The following RPRD1A variants were observed in gnomAD, a reference collection of about 807,000 sequenced individuals.
RPRD1A encodes regulation of nuclear pre-mRNA domain-containing protein 1A.
In RPRD1A, 9 loss-of-function variants were observed where a neutral mutation model predicts 37.8. That is an observed-to-expected ratio of 0.24 (90% CI 0.14 to 0.42). The LOEUF (loss-of-function observed/expected upper bound fraction) is 0.42, where lower values mean the gene tolerates loss of function less well. RPRD1A is among the 10% of genes least tolerant of loss of function. RPRD1A has a pLI of 1.00. For missense variants in RPRD1A, 255 were observed against 371.0 expected (o/e 0.69, Z 2.57); for synonymous variants, 138 against 139.7 (o/e 0.99, Z 0.08).
chr18:35,999,437 C>G (rs1480537010), intron 6 of RPRD1A, among the ~76,000 whole-genome samples: 1 of 152,176 alleles, frequency 6.6e-6, no homozygotes, highest in Non-Finnish European at 1.5e-5. Context: ...GAGATGATAT[C>G]AGAATCACCT....
chr18:36,040,953 A>G, intron 1 of RPRD1A: 2 of 718,720 alleles, frequency 2.8e-6, no homozygotes, highest in Non-Finnish European at 4.3e-6. Context: ...AGAATGAACT[A>G]CAAACACTGC....
At chr18:36,035,038 G>C (rs1197946901) in intron 1 of RPRD1A, among the ~76,000 whole-genome samples, 2 of 152,174 alleles carry the variant, frequency 1.3e-5, no homozygotes, top group Admixed American at 1.3e-4. Context: ...AATAAGAAGA[G>C]ATGGCTATAA....
chr18:36,007,636 G>A (rs1343031108), intron 6 of RPRD1A, among the ~76,000 whole-genome samples: 1 of 151,970 alleles, frequency 6.6e-6, no homozygotes, highest in African/African-American at 2.4e-5. Flanking sequence ...TTTCCAGATC[G>A]ATCTACTAAA....
intron 1 of RPRD1A, among the ~76,000 whole-genome samples, chr18:36,059,973 G>T (rs530002898): frequency 6.6e-6 from 1 of 152,184 alleles, no homozygotes; most frequent in East Asian, 1.9e-4. Context: ...TTAAATATAA[G>T]AACTTAGAAG....
intron 6 of RPRD1A, among the ~76,000 whole-genome samples, chr18:36,001,743 C>T (rs929248534): frequency 6.6e-6 from 1 of 152,210 alleles, no homozygotes; most frequent in African/African-American, 2.4e-5. Flanking sequence ...TGAACACATA[C>T]TACCATCTTC....
intron 1 of RPRD1A, chr18:36,040,719 C>T (rs1912520788): frequency 1.4e-6 from 1 of 718,516 alleles, no homozygotes; most frequent in Non-Finnish European, 2.2e-6. Flanking sequence ...GCAGTACCTC[C>T]TTACCCACAT....
intron 4 of RPRD1A, among the ~76,000 whole-genome samples, chr18:36,029,588 C>T (rs1373311948): frequency 8.0e-6 from 1 of 124,460 alleles, no homozygotes; most frequent in Non-Finnish European, 1.7e-5. Context: ...ATGTTTGAAA[C>T]ATAGAAGGAG....
At position 36,043,203 on chromosome 18, in the gene RPRD1A, G is replaced by GGT. The variant is rs1303594543; in HGVS notation, c.152-9367_152-9366insAC. On this transcript the variant is annotated intron_variant, in intron 1 of 6. Coordinates refer to ENST00000399022, the MANE Select transcript of RPRD1A (RefSeq NM_018170.5). The stretch of plus-strand genomic sequence containing the variant: ...GGAAAGATCAAGAAGAATCGGGGGG[G>GGT]GGGGAAGAAGGGGAGTTACCAACAA... Among the ~76,000 whole-genome samples, 25 of 137,508 alleles carry GGT rather than the reference G, an allele frequency of 1.8e-4. 1 individual carries two copies. Among genetic ancestry groups the GGT allele is most frequent in the Non-Finnish European group, 3.1e-4 (20 of 63,520 alleles). The allele number at this position is 137,508 out of a possible 152,430, so 90.2% of individuals were successfully genotyped here. A position where few individuals can be genotyped will look rare whatever the true frequency, so the allele number is the denominator to read the frequency against.
intron 6 of RPRD1A, among the ~76,000 whole-genome samples, chr18:36,018,418 C>T (rs1387775999): frequency 2.0e-5 from 3 of 152,014 alleles, no homozygotes; most frequent in Non-Finnish European, 4.4e-5. Flanking sequence ...GGACTACAGG[C>T]GCCCGCCACC....
chr18:36,054,273 T>C (rs1212848814), intron 1 of RPRD1A, among the ~76,000 whole-genome samples: 1 of 152,092 alleles, frequency 6.6e-6, no homozygotes, highest in African/African-American at 2.4e-5. Flanking sequence ...GGCAGATCAC[T>C]TGAGGTCACG....
intron 1 of RPRD1A, among the ~76,000 whole-genome samples, chr18:36,039,006 G>A (rs989350360): frequency 6.6e-5 from 10 of 152,308 alleles, no homozygotes; most frequent in Admixed American, 5.2e-4. Context: ...CCTTATCTCA[G>A]GTGAGACTTT....
At chr18:36,042,354 T>C (rs954621930) in intron 1 of RPRD1A, among the ~76,000 whole-genome samples, 2 of 152,226 alleles carry the variant, frequency 1.3e-5, no homozygotes. Flanking sequence ...CTGTCAAATC[T>C]ACCAGAATCA....
At chr18:36,067,173 G>A (rs1454797081) in intron 1 of RPRD1A, 81 bp downstream of exon 1, 4 of 1,442,112 alleles carry the variant, frequency 2.8e-6, no homozygotes, top group Admixed American at 2.3e-5. Context: ...GAAGCCGGGG[G>A]CGCTGGAGAA....
chr18:36,025,698 G>A (rs902232711), intron 6 of RPRD1A: 1 of 1,247,952 alleles, frequency 8.0e-7, no homozygotes, highest in Non-Finnish European at 1.0e-6. Context: ...AAGCTCAATA[G>A]AAGTTAAAGA....
chr18:36,041,096 T>C (rs1912551428), intron 1 of RPRD1A, among the ~76,000 whole-genome samples: 1 of 152,196 alleles, frequency 6.6e-6, no homozygotes. Context: ...TCAAATATAC[T>C]AGAACAATTA....
chr18:35,997,392 CAA>C (rs1169065563), intron 6 of RPRD1A, among the ~76,000 whole-genome samples: 2 of 151,866 alleles, frequency 1.3e-5, no homozygotes, highest in East Asian at 1.9e-4. Context: ...AATGAAATGT[CAA>C]AAAAGAGGGA....
chr18:36,031,104 AAAAAAAAAAAG>A lies in RPRD1A; in HGVS notation c.282-18_282-8del. On this transcript the variant is annotated splice_polypyrimidine_tract_variant and splice_region_variant and intron_variant, in intron 2 of 6. Transcript: ENST00000399022. ...ACAACTTTCATCAGTTTCACTAAAA[AAAAAAAAAAAG>A]AAAAAAAGAAAAATGTTAACAGTAA... The A allele has an allele frequency of 6.5e-7, 1 of 1,540,156 alleles. No homozygotes were observed. The highest frequency in any genetic ancestry group is 2.3e-5 in the Admixed American group (1 of 43,080).
chr18:36,044,039 G>C (rs1189913561), intron 1 of RPRD1A, among the ~76,000 whole-genome samples: 2 of 152,136 alleles, frequency 1.3e-5, no homozygotes, highest in Non-Finnish European at 2.9e-5. Flanking sequence ...CTAGAGAAAA[G>C]AAAATGTTAA....
At chr18:36,009,248 C>T (rs1910016457) in intron 6 of RPRD1A, among the ~76,000 whole-genome samples, 1 of 152,064 alleles carries the variant, frequency 6.6e-6, no homozygotes, top group Admixed American at 6.6e-5. Context: ...ACTGGTTTTC[C>T]ATATTGATTA....
Sources: allele counts gnomAD v4.1 joint callset (sites outside exome capture counted in the v4.1 genomes callset), GRCh38; gene constraint gnomAD v4.1.1; transcripts MANE v1.5; gene names NCBI Gene and HGNC (gene_info 2026-07-23, HGNC 2026-07-21).